Variants in TEX15 observed in about 807,000 individuals in gnomAD.
TEX15 encodes testis-expressed protein 15.
A neutral mutation model predicts 237.3 loss-of-function variants in TEX15; 171 were observed. That is an observed-to-expected ratio of 0.72 (90% CI 0.64 to 0.82). TEX15 has a LOEUF of 0.82. TEX15 is among the 40% of genes least tolerant of loss of function. The pLI, the probability that TEX15 is intolerant of heterozygous loss-of-function variation, is 0.00. For synonymous variants in TEX15, 1,338 were observed against 1,269.8 expected (o/e 1.05, Z -1.14); for missense variants, 3,750 against 3,646.5 (o/e 1.03, Z -0.73).
Position 30,845,900 on chromosome 8 carries a change from AATTATTGCAT to A in TEX15, c.4257_4266del (p.Cys1420SerfsTer47), listed in dbSNP as rs760476757. 16 of 1,613,250 alleles carry A rather than the reference AATTATTGCAT, an allele frequency of 9.9e-6. No homozygotes were observed. The East Asian group carries it at 1.3e-4, about 13-fold the overall frequency. ...CCTTGAAGGTCACAACTTTCCCAGA[AATTATTGCAT>A]ATTATTGCATATGATTTTGGTAATG... is the stretch of plus-strand genomic sequence containing the variant. On this transcript the variant is annotated frameshift_variant, in exon 8 of 11. Transcript: ENST00000643185. LOFTEE classifies it high-confidence loss of function.
In TEX15 at chr8:30,867,306, G is replaced by A. The variant is rs1808193940; in HGVS notation, c.499C>T (p.His167Tyr). ...CTTTCTACAGTAATGCTTTGACTAT[G>A]AGAATAATTCAAGGCAATATCAACA... ...RHVDIALNYS[H>Y]SQSITVESIL... The change falls in exon 5 of 11, where the codon CAT becomes TAT. Residue 167 changes from histidine (H) to tyrosine (Y), a missense_variant. His to Tyr is a moderately conservative substitution (Grantham distance 83, BLOSUM62 2). Transcript: ENST00000643185. 6.6e-7 allele frequency: 1 copy of A among 1,517,032 alleles called. No homozygotes were observed. Among genetic ancestry groups the A allele is most frequent in the Non-Finnish European group, 8.8e-7 (1 of 1,130,004 alleles). 94.0% of individuals were successfully genotyped at this position (1,517,032 alleles called of 1,614,324 possible).
intron 2 of TEX15, among the ~76,000 whole-genome samples, chr8:30,894,820 G>C (rs1298735534): frequency 1.3e-5 from 2 of 152,194 alleles, no homozygotes; most frequent in African/African-American, 4.8e-5. Context: ...GCCTTCAGAA[G>C]CTGATTAGGT....
At chr8:30,902,451 A>G (rs1809027343) in intron 1 of TEX15, among the ~76,000 whole-genome samples, 1 of 152,198 alleles carries the variant, frequency 6.6e-6, no homozygotes, top group African/African-American at 2.4e-5. Context: ...ACCTTGTTTC[A>G]GGCACTCTGC....
chr8:30,865,007 A>G (rs1808130242), intron 5 of TEX15, among the ~76,000 whole-genome samples: 1 of 152,166 alleles, frequency 6.6e-6, no homozygotes. Context: ...GAATTAAAAC[A>G]TACTACCAGA....
At chr8:30,891,280 C>T (rs1008567230) in intron 2 of TEX15, among the ~76,000 whole-genome samples, 1 of 152,150 alleles carries the variant, frequency 6.6e-6, no homozygotes, top group Admixed American at 6.5e-5. Context: ...TCCCCAATGG[C>T]TAAGTAGCTA....
chr8:30,907,436 A>ATATACAAAATGTATATATAAAT (rs1809125138), intron 1 of TEX15, among the ~76,000 whole-genome samples: 3 of 149,190 alleles, frequency 2.0e-5, no homozygotes, highest in African/African-American at 7.3e-5. Context: ...TGGCTAATTT[A>ATATACAAAATGTATATATAAAT]TATATACAAT....
At chr8:30,865,063 A>G (rs1808131534) in intron 5 of TEX15, among the ~76,000 whole-genome samples, 1 of 152,102 alleles carries the variant, frequency 6.6e-6, no homozygotes, top group African/African-American at 2.4e-5. Flanking sequence ...AAAACAAAAT[A>G]TACAAACTGT....
chr8:30,842,193 A>G lies in TEX15; in HGVS notation c.7974T>C (p.Asn2658=). ...TTTCCCCAGGTTTTACAATATGAAT[A>G]TTCATTTTTTCTTTTCTCTTCAGCT... ...ILQLKRKEKM[N]IHIVKPGENN... The change falls in exon 8 of 11, where the codon AAT becomes AAC. Residue 2658 remains asparagine (N), a synonymous_variant. Coordinates refer to ENST00000643185, the MANE Select transcript of TEX15 (RefSeq NM_001350162.2). 6.2e-7 allele frequency: 1 copy of G among 1,612,042 alleles called. No homozygotes were observed.
chr8:30,862,274 T>C (rs1050630726), intron 5 of TEX15, among the ~76,000 whole-genome samples: 1 of 152,136 alleles, frequency 6.6e-6, no homozygotes, highest in African/African-American at 2.4e-5. Context: ...ACCAAATAAC[T>C]TATATCCTAA....
chr8:30,867,786 T>A (rs886378678), intron 4 of TEX15, among the ~76,000 whole-genome samples: 1 of 152,114 alleles, frequency 6.6e-6, no homozygotes, highest in Non-Finnish European at 1.5e-5. Flanking sequence ...AAGCATTACA[T>A]GCATCTTCTC....
chr8:30,912,988 A>C lies in TEX15; in HGVS notation c.-195T>G, dbSNP rs1027376751. 6.6e-6 allele frequency: 1 copy of C among 152,404 alleles called. No homozygotes were observed. Among genetic ancestry groups the C allele is most frequent in the Admixed American group, 6.5e-5 (1 of 15,284 alleles). 9.4% of individuals were successfully genotyped at this position (152,404 alleles called of 1,614,324 possible). On this transcript the variant is annotated 5_prime_UTR_variant, in exon 1 of 11. Coordinates refer to ENST00000643185, the MANE Select transcript of TEX15 (RefSeq NM_001350162.2). The stretch of plus-strand genomic sequence containing the variant: ...CCTCAGGAACACAGCAGCACCCCCC[A>C]GCGAGGTGCGCACAGTGAGCAGGCA...
chr8:30,840,520 T>A (rs558731693), intron 8 of TEX15, among the ~76,000 whole-genome samples: 1 of 152,224 alleles, frequency 6.6e-6, no homozygotes, highest in South Asian at 2.1e-4. Flanking sequence ...TGAAGTCCAT[T>A]TATGACTATT....
At position 30,843,122 on chromosome 8, in the gene TEX15, C is replaced by G. The variant is rs112636382; in HGVS notation, c.7045G>C (p.Glu2349Gln). ...ASRKSDHPIN[E>Q]ATISIENSKF... is the part of the protein sequence containing the mutation. Reference sequence around the variant, plus strand: ...GAATTTTCTATGCTAATTGTTGCTTCGTTTATTGGATGATCTGACTTTCTG... The same window carrying G: ...GAATTTTCTATGCTAATTGTTGCTTGGTTTATTGGATGATCTGACTTTCTG... The change falls in exon 8 of 11, where the codon GAA becomes CAA. Residue 2349 changes from glutamate to glutamine, a missense_variant. By Grantham distance (29) the Glu-to-Gln change is conservative. Coordinates refer to ENST00000643185, the MANE Select transcript of TEX15 (RefSeq NM_001350162.2). The G allele has an allele frequency of 1.2e-6, 2 of 1,612,848 alleles. No homozygotes were observed. Among genetic ancestry groups the G allele is most frequent in the African/African-American group, 1.3e-5 (1 of 74,826 alleles).
At chr8:30,899,419 C>T (rs1323488738) in intron 1 of TEX15, among the ~76,000 whole-genome samples, 1 of 152,058 alleles carries the variant, frequency 6.6e-6, no homozygotes, top group Non-Finnish European at 1.5e-5. Context: ...GGATCTAAAC[C>T]ACTACACTAT....
In TEX15 at chr8:30,845,322, A is replaced by G. The variant is rs761594771; in HGVS notation, c.4845T>C (p.Ser1615=). 6.2e-7 allele frequency: 1 copy of G among 1,612,876 alleles called. No individual in the cohort carries two copies. The highest frequency in any genetic ancestry group is 8.5e-7 in the Non-Finnish European group (1 of 1,179,304). The change falls in exon 8 of 11, where the codon AGT becomes AGC. Residue 1615 remains serine, a synonymous_variant. Coordinates refer to ENST00000643185, the MANE Select transcript of TEX15 (RefSeq NM_001350162.2). ...SCDANEVINE[S]NSVSLSCIKE... ...TTATGCAACTTAAAGATACAGAATT[A>G]CTTTCATTTATTACTTCATTAGCGT...
chr8:30,880,256 C>T (rs1808491465), intron 3 of TEX15, among the ~76,000 whole-genome samples: 4 of 152,164 alleles, frequency 2.6e-5, no homozygotes, highest in Admixed American at 2.6e-4. Context: ...TCTCCAACTC[C>T]TGACCTCAGG....
At chr8:30,900,288 C>T (rs1157272844) in intron 1 of TEX15, among the ~76,000 whole-genome samples, 1 of 152,072 alleles carries the variant, frequency 6.6e-6, no homozygotes, top group East Asian at 1.9e-4. Flanking sequence ...TATAACCATG[C>T]AATATCAGGG....
chr8:30,845,715 T>A lies in TEX15; in HGVS notation c.4452A>T (p.Lys1484Asn). The A allele has an allele frequency of 6.2e-7, 1 of 1,613,690 alleles. No individual in the cohort carries two copies. Among genetic ancestry groups the A allele is most frequent in the Non-Finnish European group, 8.5e-7 (1 of 1,179,654 alleles). Residue 1484 changes from lysine to asparagine, a missense_variant, in exon 8 of 11, where the codon AAA (lysine) becomes AAT (asparagine). Coordinates refer to ENST00000643185, the MANE Select transcript of TEX15 (RefSeq NM_001350162.2). ...KHKSYKTSGE[K>N]KCLSRKSMAS... ...CCATACTTTTCCTAGAAAGGCATTTTTTCTCTCCACTTGTTTTATAAGACT... is the reference window on the plus strand; with the variant it reads ...CCATACTTTTCCTAGAAAGGCATTTATTCTCTCCACTTGTTTTATAAGACT...
Position 30,833,311 on chromosome 8 carries a change from TG to T in TEX15, c.9493del (p.Gln3165LysfsTer35). The T allele has an allele frequency of 6.3e-7, 1 of 1,597,734 alleles. No homozygotes were observed. Among genetic ancestry groups the T allele is most frequent in the Non-Finnish European group, 8.5e-7 (1 of 1,171,730 alleles). On this transcript the variant is annotated frameshift_variant, in exon 11 of 11. Coordinates refer to ENST00000643185, the MANE Select transcript of TEX15 (RefSeq NM_001350162.2). LOFTEE classifies it high-confidence loss of function. ...EVPWVYAPWH[Q>X]ESFHPGH ...TCAGTGTCCTGGATGAAAGGATTCT[TG>T]GTGCCATGGAGCTGGAAGAAAAAAC...
Sources: allele counts gnomAD v4.1 joint callset (sites outside exome capture counted in the v4.1 genomes callset), GRCh38; gene constraint gnomAD v4.1.1; transcripts MANE v1.5; gene names NCBI Gene and HGNC (gene_info 2026-07-23, HGNC 2026-07-21).